TTC27: variants seen among roughly 807,000 people sequenced by gnomAD.
TTC27 encodes tetratricopeptide repeat protein 27.
Under a neutral mutation model 115.9 loss-of-function variants are expected in TTC27, and 79 were observed. That is an observed-to-expected ratio of 0.68 (90% confidence interval 0.57 to 0.82). The LOEUF (loss-of-function observed/expected upper bound fraction) is 0.82, where lower values mean the gene tolerates loss of function less well. Among genes scored for constraint, TTC27 ranks in the 40% least tolerant of loss-of-function variants. The pLI is 0.00. For missense variants in TTC27, 1,054 were observed against 993.1 expected, an observed-to-expected ratio of 1.06 and a Z score of -0.82; for synonymous variants, 401 against 356.0, an observed-to-expected ratio of 1.13 and a Z score of -1.42.
At chr2:32,661,687 TA>T (rs1328502146) in intron 5 of TTC27, among the ~76,000 whole-genome samples, 1 of 152,256 alleles carries the variant, frequency 6.6e-6, no homozygotes, top group African/African-American at 2.4e-5. Context: ...TGGGGTTTTC[TA>T]AATATACGAT....
chr2:32,758,876 T>C (rs1447786360), intron 13 of TTC27, among the ~76,000 whole-genome samples: 2 of 152,204 alleles, frequency 1.3e-5, no homozygotes, highest in African/African-American at 4.8e-5. Flanking sequence ...ACTTTGCAAG[T>C]ATTTGCTGAA....
At chr2:32,763,831 A>T (rs993824194) in intron 13 of TTC27, among the ~76,000 whole-genome samples, 2 of 152,202 alleles carry the variant, frequency 1.3e-5, no homozygotes, top group Admixed American at 1.3e-4. Context: ...AACTACTTAA[A>T]TTCAACCTTA....
intron 10 of TTC27, among the ~76,000 whole-genome samples, chr2:32,714,198 G>A (rs1360318358): frequency 7.2e-6 from 1 of 139,114 alleles, no homozygotes; most frequent in Non-Finnish European, 1.5e-5. Context: ...TCGCTCTGTC[G>A]CCCAGGCTGG....
At chr2:32,796,940 A>G (rs564315969) in intron 16 of TTC27, among the ~76,000 whole-genome samples, 1 of 152,008 alleles carries the variant, frequency 6.6e-6, no homozygotes, top group East Asian at 1.9e-4. Context: ...TGGGAGGATG[A>G]GGTGGGCAGA....
intron 13 of TTC27, among the ~76,000 whole-genome samples, chr2:32,768,319 C>G (rs1457087427): frequency 6.6e-6 from 1 of 152,090 alleles, no homozygotes; most frequent in East Asian, 1.9e-4. Flanking sequence ...TGGAGTAAAA[C>G]CAATTTATTG....
At chr2:32,801,419 C>G (rs1670930748) in intron 16 of TTC27, among the ~76,000 whole-genome samples, 1 of 152,170 alleles carries the variant, frequency 6.6e-6, no homozygotes, top group Admixed American at 6.5e-5. Context: ...TAACTCCAAT[C>G]ACTGCCTCCA....
At chr2:32,719,091 G>A (rs1195327849) in intron 10 of TTC27, among the ~76,000 whole-genome samples, 1 of 152,210 alleles carries the variant, frequency 6.6e-6, no homozygotes, top group African/African-American at 2.4e-5. Flanking sequence ...ACCCAGTGAG[G>A]AGAACCTCCT....
intron 16 of TTC27, among the ~76,000 whole-genome samples, chr2:32,795,175 T>C (rs2148030167): frequency 6.6e-6 from 1 of 151,150 alleles, no homozygotes; most frequent in Middle Eastern, 3.4e-3. Context: ...AAATCTCTTA[T>C]GAATATTGAT....
chr2:32,812,568 T>C lies in TTC27; in HGVS notation c.2261T>C (p.Ile754Thr), dbSNP rs1215007069. ...CAGTCCAATTGTTGGGAGAAAGATA[T>C]TACATCATTTAAGGAAGTTGTTCAA... ...DTQSNCWEKD[I>T]TSFKEVVQRA... Residue 754 changes from isoleucine to threonine, a missense_variant, in exon 18 of 20, where the codon ATT (isoleucine) becomes ACT (threonine). Ile to Thr is a moderately conservative substitution (Grantham distance 89). Coordinates refer to ENST00000317907, the MANE Select transcript of TTC27 (RefSeq NM_017735.5). 2.5e-6 allele frequency: 4 copies of C among 1,613,978 alleles called. No homozygotes were observed. Among genetic ancestry groups the C allele is most frequent in the African/African-American group, 2.7e-5 (2 of 74,930 alleles).
In TTC27 at chr2:32,812,495, C is replaced by T. The variant is rs1332319641; in HGVS notation, c.2197-9C>T. The T allele has an allele frequency of 1.9e-6, 3 of 1,594,238 alleles. No individual in the cohort carries two copies. The highest frequency in any genetic ancestry group is 2.6e-6 in the Non-Finnish European group (3 of 1,163,564). ...GTTATTCTGAATGTTGTTCTTTCTCCTTCCTCAGGCATTCCAGTGCCTCTC... is the reference window on the plus strand; with the variant it reads ...GTTATTCTGAATGTTGTTCTTTCTCTTTCCTCAGGCATTCCAGTGCCTCTC... On this transcript the variant is annotated splice_polypyrimidine_tract_variant and intron_variant, in intron 17 of 19. Transcript: ENST00000317907.
intron 8 of TTC27, among the ~76,000 whole-genome samples, chr2:32,676,863 A>G (rs990306516): frequency 6.6e-6 from 1 of 151,432 alleles, no homozygotes; most frequent in Admixed American, 6.6e-5. Context: ...TAATATATGG[A>G]ATATTTGGAA....
chr2:32,786,202 C>T (rs1670342746), intron 15 of TTC27, among the ~76,000 whole-genome samples: 2 of 152,012 alleles, frequency 1.3e-5, no homozygotes, highest in Admixed American at 6.6e-5. Context: ...GCTCACTGCA[C>T]CCACGGCTTC....
intron 4 of TTC27, among the ~76,000 whole-genome samples, chr2:32,648,818 C>G (rs1664969763): frequency 6.6e-6 from 1 of 151,928 alleles, no homozygotes; most frequent in African/African-American, 2.4e-5. Context: ...GGAGACCAAC[C>G]TGGGCAACAT....
chr2:32,817,587 T>G lies in TTC27; in HGVS notation c.2409+30T>G, dbSNP rs80267536. 13,356 of 1,581,566 alleles carry G rather than the reference T, an allele frequency of 8.4e-3. 91 individuals are homozygous for G. Among genetic ancestry groups the G allele is most frequent in the Admixed American group, 0.03 (1,789 of 59,912 alleles). ...GAGTGACATGTGAATTAATTGGAAT[T>G]GTCATATAGAAAAAGGTCATTAGTA... On this transcript the variant is annotated intron_variant, in intron 19 of 19. Transcript: ENST00000317907.
intron 5 of TTC27, among the ~76,000 whole-genome samples, chr2:32,660,548 G>A (rs1490069817): frequency 2.0e-5 from 3 of 151,980 alleles, no homozygotes; most frequent in Admixed American, 6.6e-5. Context: ...GTTGAACAAT[G>A]AGAACACATG....
intron 15 of TTC27, among the ~76,000 whole-genome samples, chr2:32,783,376 A>G (rs570794177): frequency 1.6e-3 from 248 of 152,316 alleles, no homozygotes; most frequent in African/African-American, 5.8e-3. Flanking sequence ...AAATGATGTG[A>G]CCAAATGCAG....
At chr2:32,809,757 A>C (rs1434864869) in intron 16 of TTC27, among the ~76,000 whole-genome samples, 4 of 152,224 alleles carry the variant, frequency 2.6e-5, no homozygotes, top group Non-Finnish European at 5.9e-5. Context: ...ACTGCAGTTT[A>C]ATCCATCTGT....
chr2:32,796,528 A>T (rs1015802490), intron 16 of TTC27, among the ~76,000 whole-genome samples: 1 of 152,244 alleles, frequency 6.6e-6, no homozygotes, highest in East Asian at 1.9e-4. Flanking sequence ...GTGTATGCCA[A>T]CAAAGTGGAT....
At chr2:32,805,199 T>G (rs929750852) in intron 16 of TTC27, among the ~76,000 whole-genome samples, 1 of 152,210 alleles carries the variant, frequency 6.6e-6, no homozygotes, top group Non-Finnish European at 1.5e-5. Context: ...CTCCAGTTTG[T>G]TCATCTGCAC....
Sources: gnomAD v4.1 joint callset for allele counts (sites outside exome capture counted in the v4.1 genomes callset) on GRCh38, gnomAD v4.1.1 for gene constraint, MANE v1.5 for transcripts, NCBI Gene and HGNC (gene_info 2026-07-23, HGNC 2026-07-21) for gene names.